DOK5: variants seen among roughly 807,000 people sequenced by gnomAD.
DOK5 encodes the protein downstream of tyrosine kinase 5.
Under a neutral mutation model 43.3 loss-of-function variants are expected in DOK5, and 27 were observed. The observed-to-expected ratio is 0.62, with a 90% CI of 0.46 to 0.86. DOK5 has a LOEUF of 0.86. DOK5 is among the 40% of genes least tolerant of loss of function. The pLI, the probability that DOK5 is intolerant of heterozygous loss-of-function variation, is 0.00. For synonymous variants in DOK5, 146 were observed against 140.1 expected (o/e 1.04, Z -0.30); for missense variants, 373 against 392.9 (o/e 0.95, Z 0.43).
At chr20:54,604,944 G>A (rs2146786642) in intron 5 of DOK5, among the ~76,000 whole-genome samples, 1 of 151,244 alleles carries the variant, frequency 6.6e-6, no homozygotes, top group African/African-American at 2.4e-5. Flanking sequence ...AAAGGTTGCA[G>A]TGAGCCAAGA....
chr20:54,609,893 T>A lies in DOK5; in HGVS notation c.600-495T>A, dbSNP rs568652536. 2.0e-5 allele frequency among the ~76,000 whole-genome samples: 3 copies of A among 152,338 alleles called. No individual in the cohort carries two copies. The East Asian group carries it at 5.8e-4, about 29-fold the overall frequency. ...GAATGAAAGCTGGAGTAATATTTGA[T>A]CTAGGATTTTAGGAAGGAAAGAATC... On this transcript the variant is annotated intron_variant, in intron 5 of 7. Transcript: ENST00000262593.
Position 54,506,049 on chromosome 20 carries a change from G to A in DOK5, c.66+30037G>A, listed in dbSNP as rs138341406. Reference sequence around the variant, plus strand: ...AAACATCACTCTGGCTGCAGATGGCGGCCATGAGTGGCAGCTTGAACTGGG... The same window carrying A: ...AAACATCACTCTGGCTGCAGATGGCAGCCATGAGTGGCAGCTTGAACTGGG... On this transcript the variant is annotated intron_variant, in intron 1 of 7. Coordinates refer to ENST00000262593, the MANE Select transcript of DOK5 (RefSeq NM_018431.5). Among the ~76,000 whole-genome samples, 690 of 152,286 alleles carry A rather than the reference G, an allele frequency of 4.5e-3. 3 individuals are homozygous for A. Among genetic ancestry groups the A allele is most frequent in the African/African-American group, 0.016 (672 of 41,572 alleles).
chr20:54,644,718 A>AAAAAAAAAAAAAAAAAAAAAC (rs1555839806), intron 7 of DOK5, among the ~76,000 whole-genome samples: 4 of 142,568 alleles, frequency 2.8e-5, no homozygotes, highest in African/African-American at 1.2e-4. Flanking sequence ...AAAAAAAAAA[A>AAAAAAAAAAAAAAAAAAAAAC]AAAAAACAAA....
chr20:54,549,069 G>T (rs1165117174), intron 1 of DOK5, among the ~76,000 whole-genome samples: 5 of 152,174 alleles, frequency 3.3e-5, no homozygotes, highest in African/African-American at 1.2e-4. Flanking sequence ...TCAGATGCCC[G>T]CATCGGGAAG....
intron 1 of DOK5, among the ~76,000 whole-genome samples, chr20:54,489,300 T>C (rs1982069124): frequency 6.6e-6 from 1 of 152,162 alleles, no homozygotes; most frequent in African/African-American, 2.4e-5. Context: ...GAGTAGAGTT[T>C]CCTTTCATCT....
chr20:54,492,624 A>G (rs1982228557), intron 1 of DOK5, among the ~76,000 whole-genome samples: 2 of 151,790 alleles, frequency 1.3e-5, no homozygotes, highest in East Asian at 3.9e-4. Context: ...AATAAAACAA[A>G]TTTTCTTCAA....
At chr20:54,556,540 A>G (rs1984713831) in intron 2 of DOK5, among the ~76,000 whole-genome samples, 1 of 152,212 alleles carries the variant, frequency 6.6e-6, no homozygotes, top group Non-Finnish European at 1.5e-5. Context: ...TGGCCCAGTT[A>G]TCCCTCATGT....
intron 1 of DOK5, among the ~76,000 whole-genome samples, chr20:54,478,525 C>T (rs141193011): frequency 1.3e-5 from 2 of 152,216 alleles, no homozygotes; most frequent in East Asian, 1.9e-4. Context: ...CCATTTATAA[C>T]CTTTAGGAAC....
chr20:54,579,687 A>C (rs982715095), intron 2 of DOK5, among the ~76,000 whole-genome samples: 2 of 152,168 alleles, frequency 1.3e-5, no homozygotes, highest in African/African-American at 4.8e-5. Context: ...TTCACATAGC[A>C]TAATGTTTTC....
intron 7 of DOK5, among the ~76,000 whole-genome samples, chr20:54,644,723 A>AAACAAAAAAAACCAC: frequency 7.0e-6 from 1 of 142,484 alleles, no homozygotes; most frequent in Non-Finnish European, 1.5e-5. Flanking sequence ...AAAAAAAAAA[A>AAACAAAAAAAACCAC]ACAAAATTTA....
chr20:54,563,897 A>C (rs1985002934), intron 2 of DOK5, among the ~76,000 whole-genome samples: 3 of 151,958 alleles, frequency 2.0e-5, no homozygotes, highest in Admixed American at 6.6e-5. Flanking sequence ...TTTTTTTTAA[A>C]TCTCTTATTT....
intron 6 of DOK5, among the ~76,000 whole-genome samples, chr20:54,618,469 T>G (rs4581960): frequency 0.47 from 70,793 of 151,686 alleles, 21,462 homozygotes; most frequent in African/African-American, 0.85. Context: ...TCAGCCTCCC[T>G]AGTAGTTGGG....
rs980879173 is a variant in DOK5, at chr20:54,528,817, C to A, written c.67-26116C>A. 5.9e-5 allele frequency among the ~76,000 whole-genome samples: 9 copies of A among 152,054 alleles called. No homozygotes were observed. The East Asian group carries it at 1.2e-3, about 20-fold the overall frequency. Reference sequence around the variant, plus strand: ...ACCCTTCCATTTTCTTCTTTATATACTTTTGTACTGTTGTATTTTAAAATA... The same window carrying A: ...ACCCTTCCATTTTCTTCTTTATATAATTTTGTACTGTTGTATTTTAAAATA... On this transcript the variant is annotated intron_variant, in intron 1 of 7. Transcript: ENST00000262593.
chr20:54,602,767 C>T (rs926135923), intron 5 of DOK5, among the ~76,000 whole-genome samples: 4 of 152,022 alleles, frequency 2.6e-5, no homozygotes, highest in Admixed American at 6.5e-5. Context: ...CTCCACCTCC[C>T]GGGTTCAAGC....
intron 1 of DOK5, among the ~76,000 whole-genome samples, chr20:54,526,147 T>C (rs1416199388): frequency 2.0e-5 from 3 of 152,136 alleles, no homozygotes; most frequent in Non-Finnish European, 4.4e-5. Context: ...TTTCTTTTTT[T>C]TTTTTTTTAA....
At chr20:54,502,540 C>T (rs1475499595) in intron 1 of DOK5, among the ~76,000 whole-genome samples, 2 of 152,302 alleles carry the variant, frequency 1.3e-5, no homozygotes, top group East Asian at 1.9e-4. Flanking sequence ...GCCACCAATT[C>T]TCCTCAAGAG....
At chr20:54,486,637 T>G (rs181986947) in intron 1 of DOK5, among the ~76,000 whole-genome samples, 125 of 152,270 alleles carry the variant, frequency 8.2e-4, no homozygotes, top group African/African-American at 2.9e-3. Flanking sequence ...TAGCAGAAGT[T>G]TGAGACTCAC....
rs1568746350 is a variant in DOK5 at position 54,481,043 on chromosome 20, TATCATCTGTCTATC to T, written c.66+5035_66+5048del. The stretch of plus-strand genomic sequence containing the variant: ...ATCTATCATCTATCTATCATCTATC[TATCATCTGTCTATC>T]ATCTATCTATCATCTATCTATCTAT... On this transcript the variant is annotated intron_variant, in intron 1 of 7. Transcript: ENST00000262593. 5.6e-3 allele frequency among the ~76,000 whole-genome samples: 752 copies of T among 133,624 alleles called. 28 individuals are homozygous for T. Among genetic ancestry groups the T allele is most frequent in the African/African-American group, 0.024 (707 of 29,300 alleles). 87.7% of individuals were successfully genotyped at this position (133,624 alleles called of 152,430 possible).
At chr20:54,536,207 G>T (rs1464380288) in intron 1 of DOK5, among the ~76,000 whole-genome samples, 3 of 152,160 alleles carry the variant, frequency 2.0e-5, no homozygotes, top group Admixed American at 6.5e-5. Context: ...GGAGGCCTAG[G>T]GGGTGCTTTA....
Sources: gnomAD v4.1 joint callset for allele counts (sites outside exome capture counted in the v4.1 genomes callset) on GRCh38, gnomAD v4.1.1 for gene constraint, MANE v1.5 for transcripts, NCBI Gene and HGNC (gene_info 2026-07-23, HGNC 2026-07-21) for gene names.